The following DPP6 variants were observed in gnomAD, a reference collection of about 807,000 sequenced individuals.
The protein encoded by DPP6 is dipeptidyl peptidase like 6.
DPP6 carries 69 observed loss-of-function variants against 122.6 expected under a neutral mutation model. The ratio of observed to expected loss-of-function variants is 0.56; its 90% confidence interval spans 0.46 to 0.69. The LOEUF is 0.69. DPP6 is among the 30% of genes least tolerant of loss of function. The pLI is 0.00. For synonymous variants in DPP6, 418 were observed against 433.1 expected (o/e 0.97, Z 0.43); for missense variants, 928 against 1,116.9 (o/e 0.83, Z 2.41).
intron 1 of DPP6, among the ~76,000 whole-genome samples, chr7:153,944,281 C>T (rs7785600): frequency 0.11 from 16,243 of 152,184 alleles, 912 homozygotes; most frequent in Admixed American, 0.14. Flanking sequence ...GTGTGTTCAC[C>T]GCCACTAGAG....
At chr7:154,534,976 T>TGTCC (rs375558895) in intron 3 of DPP6, among the ~76,000 whole-genome samples, 2 of 142,718 alleles carry the variant, frequency 1.4e-5, no homozygotes, top group African/African-American at 6.1e-5. Flanking sequence ...ACTCTAAAGT[T>TGTCC]ACAGTAATCA....
intron 1 of DPP6, among the ~76,000 whole-genome samples, chr7:153,987,630 G>T (rs1796918290): frequency 6.6e-6 from 1 of 151,998 alleles, no homozygotes; most frequent in South Asian, 2.1e-4. Context: ...ATTGACGTAG[G>T]AGCAGCGTGA....
At chr7:154,633,913 T>G (rs1410329810) in intron 5 of DPP6, among the ~76,000 whole-genome samples, 12 of 152,302 alleles carry the variant, frequency 7.9e-5, no homozygotes, top group Middle Eastern at 3.4e-3. Flanking sequence ...TGTTCTGGAA[T>G]GCCACTTTCA....
rs78740026 is a variant in DPP6 at position 154,589,298 on chromosome 7, C to T, written c.627+22382C>T. ...GGATTGAAGGGATATTGACATGTAC[C>T]TAGTCACCATCTATCACTCCATCTC... On this transcript the variant is annotated intron_variant, in intron 5 of 25. Transcript: ENST00000377770. Among the ~76,000 whole-genome samples the T allele has an allele frequency of 6.9e-3, 1,053 of 152,282 alleles. 13 individuals carry two copies. The highest frequency in any genetic ancestry group is 0.023 in the African/African-American group (961 of 41,542).
intron 5 of DPP6, among the ~76,000 whole-genome samples, chr7:154,574,398 T>C (rs1311927493): frequency 1.5e-5 from 2 of 135,008 alleles, no homozygotes; most frequent in African/African-American, 5.7e-5. Context: ...TGTATGTGTG[T>C]GGTGTGTGTA....
chr7:154,102,407 T>G (rs1285260268), intron 1 of DPP6, among the ~76,000 whole-genome samples: 2 of 152,188 alleles, frequency 1.3e-5, no homozygotes, highest in South Asian at 2.1e-4. Context: ...CAGGCTGGTC[T>G]CAGACTCCTG....
At chr7:153,938,463 G>T (rs1257858502) in intron 1 of DPP6, among the ~76,000 whole-genome samples, 1 of 152,214 alleles carries the variant, frequency 6.6e-6, no homozygotes, top group Non-Finnish European at 1.5e-5. Context: ...AAGCAAAGAA[G>T]TTGACATTTA....
chr7:154,019,526 G>C (rs978341399), intron 1 of DPP6, among the ~76,000 whole-genome samples: 13 of 149,926 alleles, frequency 8.7e-5, no homozygotes, highest in Admixed American at 7.3e-4. Flanking sequence ...TCAACACCAG[G>C]CTCCATATTT....
chr7:154,202,991 A>T (rs1799251744), intron 1 of DPP6, among the ~76,000 whole-genome samples: 1 of 152,168 alleles, frequency 6.6e-6, no homozygotes, highest in Admixed American at 6.6e-5. Flanking sequence ...CATAATAAGG[A>T]TTGACAATCA....
intron 1 of DPP6, among the ~76,000 whole-genome samples, chr7:154,153,048 G>T (rs543336817): frequency 6.6e-6 from 1 of 152,224 alleles, no homozygotes; most frequent in East Asian, 1.9e-4. Context: ...TGTGATGGCC[G>T]CAATTGCAGC....
At chr7:154,014,562 C>T (rs148943544) in intron 1 of DPP6, among the ~76,000 whole-genome samples, 15,744 of 151,234 alleles carry the variant, frequency 0.1, 932 homozygotes, top group East Asian at 0.18. Context: ...GGCTGAGGCA[C>T]GAGAATCGCT....
intron 1 of DPP6, among the ~76,000 whole-genome samples, chr7:154,322,632 A>T (rs1298906642): frequency 6.6e-6 from 1 of 152,194 alleles, no homozygotes; most frequent in Non-Finnish European, 1.5e-5. Context: ...TAGATTCCTG[A>T]AACCATAGCA....
chr7:154,371,193 C>T (rs1411303659), intron 1 of DPP6, among the ~76,000 whole-genome samples: 1 of 151,512 alleles, frequency 6.6e-6, no homozygotes, highest in Non-Finnish European at 1.5e-5. Flanking sequence ...GCCTGGCCAA[C>T]ATGGCAAAAC....
At chr7:154,564,052 A>C (rs1195912803) in intron 4 of DPP6, among the ~76,000 whole-genome samples, 2 of 152,190 alleles carry the variant, frequency 1.3e-5, no homozygotes, top group Admixed American at 1.3e-4. Flanking sequence ...CGAGGGAGGT[A>C]GGAGAAAAGC....
chr7:154,861,665 A>G (rs1378751358), intron 17 of DPP6, among the ~76,000 whole-genome samples: 1 of 152,244 alleles, frequency 6.6e-6, no homozygotes, highest in Non-Finnish European at 1.5e-5. Flanking sequence ...ATTAGGATAC[A>G]TTACATACTT....
At chr7:153,932,958 A>G (rs1005559830) in intron 1 of DPP6, among the ~76,000 whole-genome samples, 1 of 152,124 alleles carries the variant, frequency 6.6e-6, no homozygotes, top group Non-Finnish European at 1.5e-5. Flanking sequence ...GTGGTAGTGA[A>G]TAAGTCTCGC....
chr7:154,753,132 C>T (rs952480222), intron 8 of DPP6, among the ~76,000 whole-genome samples: 9 of 152,154 alleles, frequency 5.9e-5, no homozygotes, highest in African/African-American at 1.4e-4. Flanking sequence ...TTGCCTCCTG[C>T]GGTCCTGCCC....
intron 1 of DPP6, among the ~76,000 whole-genome samples, chr7:154,380,793 T>C (rs1198295944): frequency 6.6e-6 from 1 of 152,238 alleles, no homozygotes; most frequent in Non-Finnish European, 1.5e-5. Context: ...TTGCTAGTCC[T>C]GTGAGTGCAT....
At chr7:154,345,650 C>T (rs1467479339) in intron 1 of DPP6, among the ~76,000 whole-genome samples, 6 of 152,262 alleles carry the variant, frequency 3.9e-5, no homozygotes, top group African/African-American at 1.4e-4. Flanking sequence ...TTTGCTGTTC[C>T]TCCTTCCGCC....
Sources: allele counts gnomAD v4.1 joint callset (sites outside exome capture counted in the v4.1 genomes callset), GRCh38; gene constraint gnomAD v4.1.1; transcripts MANE v1.5; gene names NCBI Gene and HGNC (gene_info 2026-07-23, HGNC 2026-07-21).